The following MAGEA11 variants were observed in gnomAD, a reference collection of about 807,000 sequenced individuals.
The protein encoded by MAGEA11 is melanoma-associated antigen 11.
A neutral mutation model predicts 8.4 loss-of-function variants in MAGEA11; 1 was observed. The observed-to-expected ratio is 0.12, with a 90% confidence interval of 0.04 to 0.57. MAGEA11 has a LOEUF of 0.57. MAGEA11 is among the 20% of genes least tolerant of loss of function. The pLI is 0.91. For synonymous variants in MAGEA11, 127 were observed against 119.3 expected, an observed-to-expected ratio of 1.06 and a Z score of -0.42; for missense variants, 209 against 317.3, an observed-to-expected ratio of 0.66 and a Z score of 2.59.
rs1018317862 is a variant in MAGEA11 at position 149,696,255 on chromosome X, A to G, written c.9+7271A>G. Reference sequence around the variant, plus strand: ...AAGAGGAGAGAAAGGTGAAGTAGAGAAAAAGCAGTCAGGGCAGGGCTTGGG... The same window carrying G: ...AAGAGGAGAGAAAGGTGAAGTAGAGGAAAAGCAGTCAGGGCAGGGCTTGGG... On this transcript the variant is annotated intron_variant, in intron 1 of 3. Coordinates refer to the MAGEA11 transcript ENST00000333104. 2.7e-5 allele frequency among the ~76,000 whole-genome samples: 3 copies of G among 109,237 alleles called. No individual in the cohort carries two copies. The Admixed American group carries it at 2.9e-4, about 11-fold the overall frequency. 94.9% of individuals were successfully genotyped at this position (109,237 alleles called of 115,157 possible).
At chrX:149,700,385 C>A (rs2090346957) in intron 1 of MAGEA11, among the ~76,000 whole-genome samples, 1 of 111,532 alleles carries the variant, frequency 9.0e-6, no homozygotes, top group Non-Finnish European at 1.9e-5. Context: ...TGTACATGAC[C>A]ATGTGTGTAT....
intron 1 of MAGEA11, among the ~76,000 whole-genome samples, chrX:149,690,250 C>A (rs186110809): frequency 8.9e-6 from 1 of 112,852 alleles, no homozygotes; most frequent in Non-Finnish European, 1.9e-5. Context: ...GGCTTCATCT[C>A]AACCAAAATT....
chrX:149,702,177 G>T (rs1279567682), intron 1 of MAGEA11, among the ~76,000 whole-genome samples: 1 of 111,509 alleles, frequency 9.0e-6, no homozygotes. Flanking sequence ...TCTATAATTG[G>T]GGGTTAGGTC....
upstream of MAGEA11, among the ~76,000 whole-genome samples, chrX:149,711,609 T>G (rs1557361890): frequency 5.4e-5 from 6 of 111,397 alleles, no homozygotes; most frequent in East Asian, 1.1e-3. Context: ...AAAGAACCAG[T>G]AGCCAAGAGG....
At chrX:149,710,853 A>G (rs1557361850), upstream of MAGEA11, among the ~76,000 whole-genome samples, 1 of 111,579 alleles carries the variant, frequency 9.0e-6, no homozygotes. Context: ...TAAAGGAACA[A>G]GCAAACAATA....
At chrX:149,695,359 T>C (rs1557360466) in intron 1 of MAGEA11, among the ~76,000 whole-genome samples, 1 of 109,555 alleles carries the variant, frequency 9.1e-6, no homozygotes, top group African/African-American at 3.3e-5. Context: ...AGCATAGTTT[T>C]CCCCCACAAA....
At chrX:149,713,363 G>A in intron 2 of MAGEA11, 108 bp downstream of exon 2, 2 of 506,737 alleles carry the variant, frequency 3.9e-6, no homozygotes, top group South Asian at 6.9e-5. Flanking sequence ...GGTCTGAGGA[G>A]TGGAGCCTCA....
intron 1 of MAGEA11, among the ~76,000 whole-genome samples, chrX:149,703,131 G>A (rs1557361144): frequency 1.8e-5 from 2 of 111,468 alleles, no homozygotes; most frequent in African/African-American, 6.5e-5. Context: ...TGCATATCAG[G>A]GCTGGTCACA....
chrX:149,690,290 A>G lies in MAGEA11; in HGVS notation c.9+1306A>G, dbSNP rs190880382. On this transcript the variant is annotated intron_variant, in intron 1 of 3. Coordinates refer to the MAGEA11 transcript ENST00000333104. ...AGAGATATGTCTCTTAATTTCCTTT[A>G]AGAAAACAAGGTAAAGTTCTTTCTA... Among the ~76,000 whole-genome samples, 277 of 112,951 alleles carry G rather than the reference A, an allele frequency of 2.5e-3. 4 individuals are homozygous for G. The highest frequency in any genetic ancestry group is 0.017 in the South Asian group (46 of 2,758).
In MAGEA11 at chrX:149,713,168, T is replaced by G. The variant is rs782801638; in HGVS notation, c.9T>G (p.Thr3=). Residue 3 remains threonine (T), a synonymous_variant, in exon 2 of 5, where the codon ACT becomes ACG. Transcript: ENST00000355220. ...CCTTGGGAATCTGAGGGATGGAGAC[T>G]CAGTTCCGCAGAGGGGGTCTGGGGT... ME[T]QFRRGGLGCS... 1 of 1,205,533 alleles carries G rather than the reference T, an allele frequency of 8.3e-7. No individual in the cohort carries two copies. Among genetic ancestry groups the G allele is most frequent in the Non-Finnish European group, 1.1e-6 (1 of 891,685 alleles).
chrX:149,704,595 A>G (rs143637661), intron 1 of MAGEA11, among the ~76,000 whole-genome samples: 2 of 112,212 alleles, frequency 1.8e-5, no homozygotes, highest in African/African-American at 6.5e-5. Context: ...CCTCAAATAT[A>G]TGCCAGGAAG....
intron 1 of MAGEA11, among the ~76,000 whole-genome samples, chrX:149,697,917 C>T (rs1404393162): frequency 8.9e-6 from 1 of 111,954 alleles, no homozygotes; most frequent in Admixed American, 9.4e-5. Context: ...CTTCGCACTG[C>T]ACTTTTCTTT....
At position 149,712,169 on chromosome X, in the gene MAGEA11, G is replaced by A. The variant is rs782677628; in HGVS notation, c.-18+7G>A. 2.7e-6 allele frequency: 2 copies of A among 743,787 alleles called. No homozygotes were observed. Among genetic ancestry groups the A allele is most frequent in the African/African-American group, 4.9e-5 (2 of 41,066 alleles). The allele number at this position is 743,787 out of a possible 1,213,427, so 61.3% of individuals were successfully genotyped here. On this transcript the variant is annotated splice_region_variant and intron_variant, in intron 1 of 4. Transcript: ENST00000355220. ...GGCTCCATGAGGAGGCAAGGTGAGA[G>A]CTGAGGGAGGACTGAGGAGTCCTCC...
chrX:149,711,907 G>A (rs1446427500), upstream of MAGEA11: 9 of 568,725 alleles, frequency 1.6e-5, no homozygotes, highest in Non-Finnish European at 1.9e-5. Flanking sequence ...TGCACCCCTC[G>A]CCACTACTTT....
Position 149,715,820 on chromosome X carries a change from C to T in MAGEA11, c.334C>T (p.Pro112Ser). The T allele has an allele frequency of 8.3e-7, 1 of 1,209,006 alleles. No individual in the cohort carries two copies. The highest frequency in any genetic ancestry group is 1.8e-5 in the South Asian group (1 of 56,354). The change falls in exon 5 of 5, where the codon CCT (proline) becomes TCT (serine). Residue 112 changes from proline to serine, a missense_variant. Physicochemically the swap from Pro to Ser is moderately conservative, Grantham distance 74. Transcript: ENST00000355220. ...RPADLTRVIM[P>S]LEQRSQHCKP... is the part of the protein sequence containing the mutation. ...TGCTGACCTAACCAGAGTCATCATG[C>T]CTCTTGAGCAAAGAAGTCAGCACTG... is the stretch of plus-strand genomic sequence containing the variant.
At chrX:149,710,699 T>A (rs1178932796), upstream of MAGEA11, among the ~76,000 whole-genome samples, 3 of 109,691 alleles carry the variant, frequency 2.7e-5, no homozygotes, top group African/African-American at 6.7e-5. Context: ...AGATTAATCT[T>A]GAGCTACTGG....
intron 1 of MAGEA11, among the ~76,000 whole-genome samples, chrX:149,699,048 G>C (rs1432781362): frequency 9.0e-6 from 1 of 111,606 alleles, no homozygotes; most frequent in Non-Finnish European, 1.9e-5. Context: ...CTTTGCTATT[G>C]TGAATAGGCA....
upstream of MAGEA11, among the ~76,000 whole-genome samples, chrX:149,708,880 T>C (rs1305338181): frequency 9.0e-6 from 1 of 111,048 alleles, no homozygotes; most frequent in African/African-American, 3.3e-5. Flanking sequence ...TCAAGTATAT[T>C]GGGTATATTA....
upstream of MAGEA11, chrX:149,711,706 G>A (rs2090401145): frequency 1.6e-5 from 6 of 366,749 alleles, no homozygotes; most frequent in South Asian, 8.5e-4. Context: ...GTCAGCCCCG[G>A]AAGACCTTGG....
Sources: gnomAD v4.1 joint callset for allele counts (sites outside exome capture counted in the v4.1 genomes callset) on GRCh38, gnomAD v4.1.1 for gene constraint, MANE v1.5 for transcripts, NCBI Gene and HGNC (gene_info 2026-07-23, HGNC 2026-07-21) for gene names.